The following DENND1B variants were observed in gnomAD, a reference collection of about 807,000 sequenced individuals.
The protein encoded by DENND1B is DENN domain-containing protein 1B.
In DENND1B, 59 loss-of-function variants were observed where a neutral mutation model predicts 90.1. The observed-to-expected ratio is 0.65, with a 90% CI of 0.53 to 0.81. The LOEUF (loss-of-function observed/expected upper bound fraction) is 0.81, where lower values mean the gene tolerates loss of function less well. Ranked by LOEUF, DENND1B falls within the 40% of genes least tolerant of loss-of-function variation. The pLI is 0.00. For missense variants in DENND1B, 862 were observed against 912.6 expected (o/e 0.94, Z 0.71); for synonymous variants, 337 against 324.6 (o/e 1.04, Z -0.41).
At chr1:197,697,425 G>C (rs1266208782) in intron 3 of DENND1B, among the ~76,000 whole-genome samples, 2 of 151,624 alleles carry the variant, frequency 1.3e-5, no homozygotes, top group Non-Finnish European at 3.0e-5. Context: ...CTGTCTTTCT[G>C]CTACAATAGG....
chr1:197,645,984 T>A (rs1046578564), intron 8 of DENND1B, among the ~76,000 whole-genome samples: 1 of 151,682 alleles, frequency 6.6e-6, no homozygotes, highest in African/African-American at 2.4e-5. Context: ...AAAATTAAAA[T>A]TAAAATAGGG....
At chr1:197,740,301 A>G (rs1663096485) in intron 2 of DENND1B, among the ~76,000 whole-genome samples, 2 of 152,280 alleles carry the variant, frequency 1.3e-5, no homozygotes, top group South Asian at 4.1e-4. Context: ...AGAGCAAGGG[A>G]GAAAAGTGGG....
rs990505758 is a variant in DENND1B at position 197,745,639 on chromosome 1, T to A, written c.82+27229A>T. 1.4e-3 allele frequency among the ~76,000 whole-genome samples: 184 copies of A among 132,892 alleles called. 6 individuals carry two copies. In the South Asian group the frequency reaches 0.031, roughly 22 times the overall value. 87.2% of individuals were successfully genotyped at this position (132,892 alleles called of 152,430 possible). ...TATTATATATATATATATATATATATAATATATATAATAATAATGAAAATT... is the reference window on the plus strand; with the variant it reads ...TATTATATATATATATATATATATAAAATATATATAATAATAATGAAAATT... On this transcript the variant is annotated intron_variant, in intron 2 of 22. Coordinates refer to ENST00000620048, the MANE Select transcript of DENND1B (RefSeq NM_001195215.2).
chr1:197,648,417 A>C (rs927717600), intron 7 of DENND1B, among the ~76,000 whole-genome samples: 1 of 152,166 alleles, frequency 6.6e-6, no homozygotes, highest in African/African-American at 2.4e-5. Context: ...ATTAATAAAG[A>C]TGAAGTGTTT....
chr1:197,668,900 T>C (rs2125979538), intron 5 of DENND1B, among the ~76,000 whole-genome samples: 1 of 152,208 alleles, frequency 6.6e-6, no homozygotes, highest in East Asian at 1.9e-4. Flanking sequence ...AAGTGTGTTT[T>C]CCCTCATGCT....
intron 9 of DENND1B, 36 bp from the exon 10 acceptor site, chr1:197,642,857 T>C: frequency 6.8e-7 from 1 of 1,464,552 alleles, no homozygotes; most frequent in South Asian, 1.2e-5. Flanking sequence ...AAGTTACAGC[T>C]CATAGTGAAT....
chr1:197,754,550 C>A (rs1654002536), intron 2 of DENND1B, among the ~76,000 whole-genome samples: 1 of 149,510 alleles, frequency 6.7e-6, no homozygotes, highest in Non-Finnish European at 1.5e-5. Flanking sequence ...CCCACTTACT[C>A]AGGTGGCTGA....
intron 5 of DENND1B, among the ~76,000 whole-genome samples, chr1:197,671,040 A>C (rs1655456282): frequency 6.6e-6 from 1 of 152,212 alleles, no homozygotes; most frequent in Non-Finnish European, 1.5e-5. Flanking sequence ...CCAATGTTGT[A>C]AGTAAATTAA....
upstream of DENND1B, among the ~76,000 whole-genome samples, chr1:197,779,266 C>G (rs999552323): frequency 1.3e-5 from 2 of 152,120 alleles, no homozygotes; most frequent in African/African-American, 2.4e-5. Context: ...TTCTAAGTTC[C>G]CTAATAACAA....
intron 3 of DENND1B, among the ~76,000 whole-genome samples, chr1:197,692,043 C>T (rs1409273952): frequency 6.6e-6 from 1 of 151,570 alleles, no homozygotes; most frequent in Non-Finnish European, 1.5e-5. Flanking sequence ...GTCTGATATA[C>T]AACACTGTGC....
chr1:197,770,878 ATATG>A (rs1656499821), intron 2 of DENND1B, among the ~76,000 whole-genome samples: 2 of 140,928 alleles, frequency 1.4e-5, no homozygotes, highest in Non-Finnish European at 3.1e-5. Context: ...ATCTATAAAT[ATATG>A]TATCTATAAA....
intron 3 of DENND1B, among the ~76,000 whole-genome samples, chr1:197,686,394 T>C (rs919000288): frequency 3.3e-5 from 5 of 152,144 alleles, no homozygotes; most frequent in African/African-American, 9.7e-5. Context: ...AGTTATTCCT[T>C]TCACTGAAAA....
intron 15 of DENND1B, among the ~76,000 whole-genome samples, chr1:197,555,223 A>AAAAACCTTTCTCCCTAGAAG (rs1038520087): frequency 6.6e-6 from 1 of 152,138 alleles, no homozygotes; most frequent in Non-Finnish European, 1.5e-5. Context: ...ACCTCAAACT[A>AAAAACCTTTCTCCCTAGAAG]AAAACCTTTC....
At chr1:197,753,868 C>T (rs1338350264) in intron 2 of DENND1B, among the ~76,000 whole-genome samples, 4 of 151,690 alleles carry the variant, frequency 2.6e-5, no homozygotes, top group South Asian at 2.1e-4. Flanking sequence ...GGTGTGGTGG[C>T]GCACATCTGT....
In DENND1B at chr1:197,540,032, G is replaced by T. The variant is rs1177828931; in HGVS notation, c.1447C>A (p.Gln483Lys). The T allele has an allele frequency of 4.3e-6, 7 of 1,612,820 alleles. No individual in the cohort carries two copies. The highest frequency in any genetic ancestry group is 1.7e-5 in the Admixed American group (1 of 59,926). ...EDYGTCSSSVQYTPVYKLHNE... is the reference protein window; with the variant it reads ...EDYGTCSSSVKYTPVYKLHNE... ...TGTAATTTGTAAACTGGTGTATATT[G>T]TACAGAACTAGAACAGGTCCCATAA... Residue 483 changes from glutamine (Q) to lysine (K), a missense_variant, in exon 20 of 23, where the codon CAA (glutamine) becomes AAA (lysine). Physicochemically the swap from Gln to Lys is moderately conservative, Grantham distance 53. Coordinates refer to ENST00000620048, the MANE Select transcript of DENND1B (RefSeq NM_001195215.2).
chr1:197,568,556 A>G (rs1672885536), intron 15 of DENND1B, among the ~76,000 whole-genome samples: 1 of 152,190 alleles, frequency 6.6e-6, no homozygotes, highest in African/African-American at 2.4e-5. Flanking sequence ...ATCTTGAATA[A>G]AAGGAGCAAA....
chr1:197,638,860 T>C (rs947482470), intron 10 of DENND1B, among the ~76,000 whole-genome samples: 2 of 72,584 alleles, frequency 2.8e-5, no homozygotes, highest in East Asian at 8.4e-4. Context: ...GAATAATGTA[T>C]GAATCAACAG....
intron 5 of DENND1B, among the ~76,000 whole-genome samples, chr1:197,670,667 A>C (rs1655413890): frequency 6.6e-6 from 1 of 152,094 alleles, no homozygotes; most frequent in African/African-American, 2.4e-5. Flanking sequence ...AAGCATATAC[A>C]GCTTTGGTCT....
chr1:197,747,509 T>C (rs958120119), intron 2 of DENND1B: 3 of 220,746 alleles, frequency 1.4e-5, no homozygotes, highest in South Asian at 2.1e-4. Context: ...CGTCAGAAAA[T>C]GTTTTAAATA....
Sources: allele counts gnomAD v4.1 joint callset (sites outside exome capture counted in the v4.1 genomes callset), GRCh38; gene constraint gnomAD v4.1.1; transcripts MANE v1.5; gene names NCBI Gene and HGNC (gene_info 2026-07-23, HGNC 2026-07-21).